PYGB: variants seen among roughly 807,000 people sequenced by gnomAD.
PYGB encodes the protein glycogen phosphorylase B, also known as glycogen phosphorylase, brain form.
Under a neutral mutation model 94.3 loss-of-function variants are expected in PYGB, and 82 were observed. That is an observed-to-expected ratio of 0.87 (90% CI 0.73 to 1.04). The LOEUF (loss-of-function observed/expected upper bound fraction) is 1.04, where lower values mean the gene tolerates loss of function less well. Ranked by LOEUF, PYGB falls within the 50% of genes least tolerant of loss-of-function variation. The pLI is 0.00. For synonymous variants in PYGB, 488 were observed against 479.1 expected (o/e 1.02, Z -0.24); for missense variants, 1,132 against 1,158.2 (o/e 0.98, Z 0.33).
At chr20:25,288,529 G>C (rs769222846) in intron 15 of PYGB, 46 bp downstream of exon 15, 1 of 1,594,538 alleles carries the variant, frequency 6.3e-7, no homozygotes, top group African/African-American at 1.3e-5. Context: ...TTGGTCTGGG[G>C]ATAGTGGGTG....
chr20:25,261,018 G>A (rs1275074075), intron 2 of PYGB, among the ~76,000 whole-genome samples: 2 of 152,222 alleles, frequency 1.3e-5, no homozygotes, highest in African/African-American at 4.8e-5. Flanking sequence ...AGCTCAAGTA[G>A]GCCTGCCTGC....
In PYGB at chr20:25,277,257, C is replaced by G; in HGVS notation, c.786C>G (p.Asp262Glu). 1 of 1,572,286 alleles carries G rather than the reference C, an allele frequency of 6.4e-7. No homozygotes were observed. The highest frequency in any genetic ancestry group is 8.8e-7 in the Non-Finnish European group (1 of 1,141,890). The stretch of plus-strand genomic sequence containing the variant: ...ATTTCTTCTTAGTCAACGTGGGAGA[C>G]TACATCGAGGCGGTCCTGGACCGGA... Reference protein sequence around the residue: ...DFKLQDFNVGDYIEAVLDRNL... With the variant: ...DFKLQDFNVGEYIEAVLDRNL... The change falls in exon 7 of 20, where the codon GAC (aspartate) becomes GAG (glutamate). Residue 262 changes from aspartate to glutamate, a missense_variant. Physicochemically the swap from Asp to Glu is conservative, Grantham distance 45. Coordinates refer to ENST00000216962, the MANE Select transcript of PYGB (RefSeq NM_002862.4).
chr20:25,281,989 A>AG, intron 11 of PYGB, 44 bp from the exon 12 acceptor site: 1 of 1,509,426 alleles, frequency 6.6e-7, no homozygotes, highest in Non-Finnish European at 9.2e-7. Flanking sequence ...CACCTGGTGC[A>AG]GGGCACAGCA....
intron 11 of PYGB, among the ~76,000 whole-genome samples, chr20:25,281,655 G>A (rs2261753): frequency 0.45 from 68,701 of 152,142 alleles, 16,141 homozygotes; most frequent in East Asian, 0.92. Context: ...AGCAAGCTTC[G>A]TGTCGGGCCC....
At chr20:25,274,108 G>A (rs916429625) in intron 4 of PYGB, among the ~76,000 whole-genome samples, 3 of 149,340 alleles carry the variant, frequency 2.0e-5, no homozygotes, top group African/African-American at 4.9e-5. Context: ...TTGGATAACC[G>A]TCCCCACTGT....
chr20:25,290,559 G>T lies in PYGB; in HGVS notation c.1906G>T (p.Val636Phe). 1 of 1,611,508 alleles carries T rather than the reference G, an allele frequency of 6.2e-7. No homozygotes were observed. Among genetic ancestry groups the T allele is most frequent in the Non-Finnish European group, 8.5e-7 (1 of 1,177,696 alleles). The change falls in exon 16 of 20, where the codon GTT becomes TTT. Residue 636 changes from valine to phenylalanine, a missense_variant. Transcript: ENST00000216962. ...SIGDVVNHDPVVGDRLKVIFL... is the reference protein window; with the variant it reads ...SIGDVVNHDPFVGDRLKVIFL... ...CGGCGACGTCGTCAATCATGACCCA[G>T]TTGTGGGTGACAGGTTGAAAGTGAT...
intron 13 of PYGB, among the ~76,000 whole-genome samples, chr20:25,283,876 G>T (rs979493181): frequency 5.3e-5 from 8 of 152,124 alleles, no homozygotes; most frequent in Non-Finnish European, 7.4e-5. Flanking sequence ...TCCTGGGCCG[G>T]CTCCTCACTT....
At position 25,260,679 on chromosome 20, in the gene PYGB, G is replaced by A. The variant is rs765724743; in HGVS notation, c.345+1341G>A. On this transcript the variant is annotated intron_variant, in intron 2 of 19. Transcript: ENST00000216962. The stretch of plus-strand genomic sequence containing the variant: ...AGAGCATGAGCTAAAGCAGGGCGAG[G>A]CATTGCCTCACCCGGGAAGCACAAG... Among the ~76,000 whole-genome samples the A allele has an allele frequency of 2.6e-5, 4 of 152,218 alleles. No homozygotes were observed. The South Asian group carries it at 8.3e-4, about 32-fold the overall frequency.
chr20:25,287,737 T>C (rs1487719585), intron 14 of PYGB, among the ~76,000 whole-genome samples: 1 of 152,070 alleles, frequency 6.6e-6, no homozygotes, highest in Non-Finnish European at 1.5e-5. Context: ...CCCTGCACTT[T>C]GGGAGGCTGA....
intron 18 of PYGB, 70 bp downstream of exon 18, chr20:25,294,362 G>T: frequency 6.7e-7 from 1 of 1,495,306 alleles, no homozygotes; most frequent in Non-Finnish European, 9.2e-7. Flanking sequence ...TCGTGGGTTG[G>T]ATATTCCACC....
chr20:25,290,753 C>T (rs2088459471), intron 16 of PYGB, 131 bp downstream of exon 16: 3 of 1,300,828 alleles, frequency 2.3e-6, no homozygotes, highest in Non-Finnish European at 3.2e-6. Context: ...AGCCGGGCTG[C>T]AGGCGAGCAG....
intron 2 of PYGB, among the ~76,000 whole-genome samples, chr20:25,268,167 C>CCCCCCCCCCCCCT (rs772366458): frequency 1.1e-5 from 1 of 94,922 alleles, no homozygotes; most frequent in African/African-American, 3.8e-5. Flanking sequence ...ACCCGCCCCC[C>CCCCCCCCCCCCCT]CCCCATATCC....
chr20:25,276,840 C>T (rs2088316622), intron 6 of PYGB, 83 bp downstream of exon 6: 2 of 1,284,430 alleles, frequency 1.6e-6, no homozygotes, highest in East Asian at 2.5e-5. Context: ...TTACCGCGCC[C>T]TGTGGCTCAC....
At chr20:25,293,132 G>T in intron 17 of PYGB, among the ~76,000 whole-genome samples, 1 of 146,678 alleles carries the variant, frequency 6.8e-6, no homozygotes, top group Non-Finnish European at 1.5e-5. Context: ...AGGGTCGGGG[G>T]GGGTGGGGGA....
Position 25,260,142 on chromosome 20 carries a change from C to A in PYGB, c.345+804C>A, listed in dbSNP as rs191862733. ...ACCTCATAGCAGTGTCTGTGCTCAA[C>A]AAAATGCAACAAAAACTTCACTCCG... On this transcript the variant is annotated intron_variant, in intron 2 of 19. Transcript: ENST00000216962. Among the ~76,000 whole-genome samples the A allele has an allele frequency of 5.6e-4, 86 of 152,280 alleles. 3 individuals carry two copies. In the East Asian group the frequency reaches 0.016, roughly 28 times the overall value.
chr20:25,254,188 ACT>A (rs2092896680), intron 1 of PYGB, among the ~76,000 whole-genome samples: 1 of 152,076 alleles, frequency 6.6e-6, no homozygotes. Context: ...GAGCAGTTAA[ACT>A]CTGGACATTT....
At position 25,292,475 on chromosome 20, in the gene PYGB, T is replaced by C. The variant is rs1484780779; in HGVS notation, c.2039T>C (p.Met680Thr). Residue 680 changes from methionine (M) to threonine (T), a missense_variant, in exon 17 of 20, where the codon ATG (methionine) becomes ACG (threonine). Coordinates refer to ENST00000216962, the MANE Select transcript of PYGB (RefSeq NM_002862.4). ...AGTEASGTGN[M>T]KFMLNGALTI... ...ACCGAGGCCTCAGGCACAGGCAACATGAAGTTCATGCTCAACGGGGCCCTC... is the reference window on the plus strand; with the variant it reads ...ACCGAGGCCTCAGGCACAGGCAACACGAAGTTCATGCTCAACGGGGCCCTC... 2.5e-6 allele frequency: 4 copies of C among 1,613,596 alleles called. No individual in the cohort carries two copies. The South Asian group carries it at 4.4e-5, about 18-fold the overall frequency.
intron 14 of PYGB, among the ~76,000 whole-genome samples, chr20:25,287,705 C>T (rs937750509): frequency 8.6e-5 from 13 of 151,664 alleles, no homozygotes; most frequent in African/African-American, 2.9e-4. Context: ...GAGTGCGAGG[C>T]GCGGTAGCTC....
At chr20:25,282,797 C>T (rs2088380495) in intron 12 of PYGB, among the ~76,000 whole-genome samples, 1 of 152,158 alleles carries the variant, frequency 6.6e-6, no homozygotes, top group South Asian at 2.1e-4. Flanking sequence ...GGGTGAGGTG[C>T]TGGCTTTGAG....
Sources: gnomAD v4.1 joint callset for allele counts (sites outside exome capture counted in the v4.1 genomes callset) on GRCh38, gnomAD v4.1.1 for gene constraint, MANE v1.5 for transcripts, NCBI Gene and HGNC (gene_info 2026-07-23, HGNC 2026-07-21) for gene names.